The following ABCC3 variants were observed in gnomAD, a reference collection of about 807,000 sequenced individuals.
ABCC3 encodes ATP binding cassette subfamily C member 3, also known as ATP-binding cassette sub-family C member 3.
In ABCC3, 121 loss-of-function variants were observed where a neutral mutation model predicts 165.3. That is an observed-to-expected ratio of 0.73 (90% CI 0.63 to 0.85). The LOEUF (loss-of-function observed/expected upper bound fraction) is 0.85. Ranked by LOEUF, ABCC3 falls within the 40% of genes least tolerant of loss-of-function variation. ABCC3 has a pLI of 0.00. For missense variants in ABCC3, 1,869 were observed against 1,964.1 expected (o/e 0.95, Z 0.92); for synonymous variants, 733 against 810.1 (o/e 0.90, Z 1.62).
chr17:50,643,748 C>A (rs947889367), intron 1 of ABCC3: 6 of 404,990 alleles, frequency 1.5e-5, no homozygotes, highest in Non-Finnish European at 2.5e-5. Flanking sequence ...CTAGGTTGAG[C>A]AAGGGGGTAG....
rs375395027 is a variant in ABCC3 at position 50,673,504 on chromosome 17, G to T, written c.2445G>T (p.Leu815=). 2 of 1,614,030 alleles carry T rather than the reference G, an allele frequency of 1.2e-6. No homozygotes were observed. Among genetic ancestry groups the T allele is most frequent in the Non-Finnish European group, 1.7e-6 (2 of 1,180,042 alleles). Residue 815 remains leucine, a synonymous_variant, in exon 19 of 31, where the codon CTG becomes CTT. Transcript: ENST00000285238. ...TGGTGACGCACGGCATTAGCTTCCT[G>T]CCCCAGACAGACTTCATCATTGTGC... is the stretch of plus-strand genomic sequence containing the variant. ...RVLVTHGISF[L]PQTDFIIVLA...
intron 1 of ABCC3, among the ~76,000 whole-genome samples, chr17:50,637,686 C>T (rs1000265755): frequency 4.6e-5 from 7 of 152,248 alleles, no homozygotes; most frequent in African/African-American, 1.7e-4. Flanking sequence ...AACCCCTACC[C>T]ACCTCACAAG....
At chr17:50,656,648 G>A in intron 2 of ABCC3, 54 bp from the exon 3 acceptor site, 2 of 1,559,130 alleles carry the variant, frequency 1.3e-6, no homozygotes, top group Non-Finnish European at 1.7e-6. Flanking sequence ...CCTTCCCAGT[G>A]AGGACTGTCC....
chr17:50,678,208 T>C lies in ABCC3; in HGVS notation c.3694T>C (p.Tyr1232His), dbSNP rs1340286467. The C allele has an allele frequency of 2.6e-6, 4 of 1,527,428 alleles. No individual in the cohort carries two copies. The South Asian group carries it at 5.3e-5, about 20-fold the overall frequency. The allele number at this position is 1,527,428 out of a possible 1,614,324, so 94.6% of individuals were successfully genotyped here. Residue 1232 changes from tyrosine to histidine, a missense_variant, in exon 25 of 31, where the codon TAC (tyrosine) becomes CAC (histidine). Coordinates refer to ENST00000285238, the MANE Select transcript of ABCC3 (RefSeq NM_003786.4). ...NPGLVGLSVS[Y>H]SLQVTFALNW... is the part of the protein sequence containing the mutation. ...GGGGCTGGTGGGCCTTTCTGTGTCC[T>C]ACTCCTTGCAGGTATGAAGGGCCTG...
Position 50,673,607 on chromosome 17 carries a change from T to G in ABCC3, c.2548T>G (p.Cys850Gly). The G allele has an allele frequency of 6.2e-7, 1 of 1,614,196 alleles. No individual in the cohort carries two copies. The highest frequency in any genetic ancestry group is 1.1e-5 in the South Asian group (1 of 91,084). The change falls in exon 19 of 31, where the codon TGC (cysteine) becomes GGC (glycine). Residue 850 changes from cysteine to glycine, a missense_variant. Transcript: ENST00000285238. The stretch of plus-strand genomic sequence containing the variant: ...CAACGGCTCCTTTGCCAACTTTCTC[T>G]GCAACTATGCCCCCGATGAGGACCA... ...QRNGSFANFL[C>G]NYAPDEDQGH...
chr17:50,647,371 G>A (rs536719608), intron 1 of ABCC3, among the ~76,000 whole-genome samples: 72 of 152,374 alleles, frequency 4.7e-4, no homozygotes, highest in Admixed American at 4.7e-3. Context: ...GGAAGGGCTG[G>A]TTCTGGCAGG....
At chr17:50,689,487 G>T (rs1452715243) in intron 30 of ABCC3, among the ~76,000 whole-genome samples, 1 of 152,230 alleles carries the variant, frequency 6.6e-6, no homozygotes, top group Non-Finnish European at 1.5e-5. Flanking sequence ...GGAGGAGGAG[G>T]CAGGAGGCTC....
chr17:50,668,779 GC>G, intron 14 of ABCC3, 73 bp from the exon 15 acceptor site: 6 of 1,283,048 alleles, frequency 4.7e-6, no homozygotes, highest in Non-Finnish European at 5.6e-6. Context: ...CCTTTCCCCT[GC>G]CCCCCAGCCT....
chr17:50,669,159 A>C lies in ABCC3; in HGVS notation c.1957A>C (p.Lys653Gln). The change falls in exon 16 of 31, where the codon AAA (lysine) becomes CAA (glutamine). Residue 653 changes from lysine to glutamine, a missense_variant. By Grantham distance (53) the Lys-to-Gln change is moderately conservative (BLOSUM62 1). Transcript: ENST00000285238. ...CCCCAGCCTAGACATCCAGGTCCCG[A>C]AAGGGGCACTGGTGGCCGTGGTGGG... is the stretch of plus-strand genomic sequence containing the variant. The part of the protein sequence containing the change: ...TLHSLDIQVP[K>Q]GALVAVVGPV... The C allele has an allele frequency of 6.2e-7, 1 of 1,600,074 alleles. No individual in the cohort carries two copies. The highest frequency in any genetic ancestry group is 8.5e-7 in the Non-Finnish European group (1 of 1,175,836).
Position 50,669,371 on chromosome 17 carries a change from C to T in ABCC3, c.2084C>T (p.Pro695Leu). ...VHMKGSVAYV[P>L]QQAWIQNCTL... ...GGCCAGGGCTCCGTGGCCTATGTGC[C>T]CCAGCAGGCATGGATCCAGAACTGC... Residue 695 changes from proline (P) to leucine (L), a missense_variant, in exon 17 of 31, where the codon CCC (proline) becomes CTC (leucine). Pro to Leu is a moderately conservative substitution (Grantham distance 98). Transcript: ENST00000285238. The T allele has an allele frequency of 6.2e-7, 1 of 1,614,222 alleles. No homozygotes were observed. The highest frequency in any genetic ancestry group is 2.2e-5 in the East Asian group (1 of 44,886).
At chr17:50,639,780 T>G (rs138720857) in intron 1 of ABCC3, among the ~76,000 whole-genome samples, 2,147 of 149,736 alleles carry the variant, frequency 0.014, 55 homozygotes, top group South Asian at 0.016. Flanking sequence ...TTTTTTTTTT[T>G]TGTGACAGAG....
intron 17 of ABCC3, 83 bp from the exon 18 acceptor site, chr17:50,672,888 T>A: frequency 7.7e-7 from 1 of 1,293,890 alleles, no homozygotes; most frequent in Non-Finnish European, 1.1e-6. Flanking sequence ...AAAAAAAATC[T>A]GCCATCCCAA....
At chr17:50,666,879 A>G (rs185072511) in intron 11 of ABCC3, among the ~76,000 whole-genome samples, 7 of 152,330 alleles carry the variant, frequency 4.6e-5, no homozygotes, top group East Asian at 3.9e-4. Context: ...ACATATATGT[A>G]AAGGAATGGT....
chr17:50,685,196 A>C (rs1567839563), intron 29 of ABCC3, among the ~76,000 whole-genome samples: 1 of 151,872 alleles, frequency 6.6e-6, no homozygotes, highest in Non-Finnish European at 1.5e-5. Context: ...AGATTCCAAA[A>C]CCCTTTGAGG....
At chr17:50,681,875 G>T (rs933549925) in intron 26 of ABCC3, among the ~76,000 whole-genome samples, 1 of 152,028 alleles carries the variant, frequency 6.6e-6, no homozygotes, top group African/African-American at 2.4e-5. Context: ...CCTGACCCCA[G>T]CCTGGCTTCC....
intron 2 of ABCC3, 34 bp from the exon 3 acceptor site, chr17:50,656,668 G>C (rs766298883): frequency 1.9e-6 from 3 of 1,592,588 alleles, no homozygotes; most frequent in Non-Finnish European, 2.6e-6. Context: ...CTTGCCTCTG[G>C]GGATGCGGAT....
At chr17:50,681,199 T>C (rs567316418) in intron 26 of ABCC3, among the ~76,000 whole-genome samples, 1 of 152,302 alleles carries the variant, frequency 6.6e-6, no homozygotes, top group Non-Finnish European at 1.5e-5. Flanking sequence ...GAAAGAATTC[T>C]GTTGAATAAT....
At chr17:50,655,702 C>G in intron 1 of ABCC3, 130 bp from the exon 2 acceptor site, 1 of 782,346 alleles carries the variant, frequency 1.3e-6, no homozygotes, top group Admixed American at 2.6e-5. Context: ...TGTGTACTCT[C>G]TCCTCCTCAC....
At chr17:50,648,836 C>G (rs754494027) in intron 1 of ABCC3, among the ~76,000 whole-genome samples, 1 of 152,156 alleles carries the variant, frequency 6.6e-6, no homozygotes, top group Non-Finnish European at 1.5e-5. Context: ...CACCACAGGT[C>G]GGGTGCAGTG....
Sources: gnomAD v4.1 joint callset for allele counts (sites outside exome capture counted in the v4.1 genomes callset) on GRCh38, gnomAD v4.1.1 for gene constraint, MANE v1.5 for transcripts, NCBI Gene and HGNC (gene_info 2026-07-23, HGNC 2026-07-21) for gene names.